Variants in MKRN2OS observed in about 807,000 individuals in gnomAD.
The protein encoded by MKRN2OS is MKRN2 opposite strand protein.
A neutral mutation model predicts 18.2 loss-of-function variants in MKRN2OS; 17 were observed. The ratio of observed to expected loss-of-function variants is 0.93; its 90% CI spans 0.64 to 1.40. MKRN2OS has a LOEUF of 1.40. Among genes scored for constraint, MKRN2OS ranks in the 40% most tolerant of loss-of-function variants. MKRN2OS has a pLI of 0.00. For missense variants in MKRN2OS, 337 were observed against 283.0 expected, an observed-to-expected ratio of 1.19 and a Z score of -1.37; for synonymous variants, 121 against 108.5, an observed-to-expected ratio of 1.12 and a Z score of -0.72.
upstream of MKRN2OS, among the ~76,000 whole-genome samples, chr3:12,548,472 A>AC (rs2057904193): frequency 1.6e-4 from 5 of 31,190 alleles, no homozygotes; most frequent in African/African-American, 4.5e-3. Flanking sequence ...AAAAAAAAAA[A>AC]AAAAAAAAAA....
intron 1 of MKRN2OS, among the ~76,000 whole-genome samples, chr3:12,543,442 C>A (rs2057843099): frequency 6.6e-6 from 1 of 151,112 alleles, no homozygotes; most frequent in African/African-American, 2.4e-5. Flanking sequence ...CAAAAATTAG[C>A]CAGGTGTGTT....
chr3:12,555,311 C>CAAAA lies in MKRN2OS; in HGVS notation n.265-1181_265-1178dup, dbSNP rs35617395. Among the ~76,000 whole-genome samples, 150 of 98,240 alleles carry CAAAA rather than the reference C, an allele frequency of 1.5e-3. 4 individuals are homozygous for CAAAA. The highest frequency in any genetic ancestry group is 3.4e-3 in the African/African-American group (91 of 26,816). The allele number at this position is 98,240 out of a possible 152,430, so 64.4% of individuals were successfully genotyped here. A position where few individuals can be genotyped will look rare whatever the true frequency, so the allele number is the denominator to read the frequency against. On this transcript the variant is annotated intron_variant and non_coding_transcript_variant, in intron 1 of 1. Transcript: ENST00000447550. Reference sequence around the variant, plus strand: ...TGGGTGACAGAGCAAGACTCCGTCTCAAAAAAAAAAAAAAAAAAGACGTGT... The same window carrying CAAAA: ...TGGGTGACAGAGCAAGACTCCGTCTCAAAAAAAAAAAAAAAAAAAAAAGACGTGT...
At chr3:12,552,970 C>T (rs2057940464), downstream of MKRN2OS, among the ~76,000 whole-genome samples, 1 of 143,746 alleles carries the variant, frequency 7.0e-6, no homozygotes, top group East Asian at 2.1e-4. Flanking sequence ...GAGCCAAGAT[C>T]ACACCACGGC....
At chr3:12,545,720 T>G (rs1376100138), upstream of MKRN2OS, among the ~76,000 whole-genome samples, 1 of 152,232 alleles carries the variant, frequency 6.6e-6, no homozygotes, top group Non-Finnish European at 1.5e-5. Flanking sequence ...ATTCATCCTT[T>G]AAAGCCTCAC....
intron 1 of MKRN2OS, among the ~76,000 whole-genome samples, chr3:12,556,423 G>A (rs2057971543): frequency 6.6e-6 from 1 of 152,152 alleles, no homozygotes; most frequent in African/African-American, 2.4e-5. Flanking sequence ...AAGGGACGGT[G>A]GAAAGGGGGC....
At chr3:12,551,617 A>G (rs776637336), downstream of MKRN2OS, among the ~76,000 whole-genome samples, 1 of 152,158 alleles carries the variant, frequency 6.6e-6, no homozygotes, top group Non-Finnish European at 1.5e-5. Context: ...GAAAATAAAC[A>G]TATTTCAATG....
At chr3:12,551,571 G>A (rs1273894242), downstream of MKRN2OS, among the ~76,000 whole-genome samples, 1 of 151,388 alleles carries the variant, frequency 6.6e-6, no homozygotes, top group Non-Finnish European at 1.5e-5. Flanking sequence ...ATACACGAAA[G>A]GATAAATAAA....
chr3:12,549,487 G>A (rs1010062267), upstream of MKRN2OS, among the ~76,000 whole-genome samples: 1 of 148,150 alleles, frequency 6.7e-6, no homozygotes, highest in Non-Finnish European at 1.5e-5. Flanking sequence ...AAGTGATCCA[G>A]CCACCTCAGC....
At chr3:12,557,032 T>C in intron 1 of MKRN2OS, 1 of 1,115,978 alleles carries the variant, frequency 9.0e-7, no homozygotes, top group Non-Finnish European at 1.1e-6. Flanking sequence ...AGGGGCGGCG[T>C]GCGCCGGCGT....
At chr3:12,542,132 TC>T in intron 2 of MKRN2OS, 110 bp from the exon 3 acceptor site, 1 of 1,135,088 alleles carries the variant, frequency 8.8e-7, no homozygotes, top group Non-Finnish European at 1.2e-6. Flanking sequence ...GTAACATAAA[TC>T]CAGGGTGGAG....
At chr3:12,548,875 C>T (rs1429462783), upstream of MKRN2OS, among the ~76,000 whole-genome samples, 5 of 152,096 alleles carry the variant, frequency 3.3e-5, no homozygotes, top group East Asian at 9.7e-4. Context: ...TAAAATAAAA[C>T]ATAGACACAG....
chr3:12,546,726 C>G (rs1216116919), upstream of MKRN2OS, among the ~76,000 whole-genome samples: 1 of 151,308 alleles, frequency 6.6e-6, no homozygotes, highest in African/African-American at 2.4e-5. Context: ...TACAGGTGCC[C>G]GCCACCACAC....
chr3:12,557,214 C>G, intron 1 of MKRN2OS: 1 of 1,529,714 alleles, frequency 6.5e-7, no homozygotes, highest in South Asian at 1.2e-5. Flanking sequence ...GGCCGCTCCC[C>G]CAGGCCGCAG....
rs1439826706 is a variant in MKRN2OS, at chr3:12,543,199, A to G, written c.249T>C (p.Val83=). Residue 83 remains valine, a synonymous_variant, in exon 2 of 4, where the codon GTT becomes GTC. Transcript: ENST00000564146. ...REYDGRSDLH[V]GITNTNGVVY... ...ACTTACCATTTGTGTTAGTTATTCC[A>G]ACATGAAGATCAGACCTTCCATCAT... The G allele has an allele frequency of 1.3e-6, 2 of 1,536,042 alleles. No individual in the cohort carries two copies. The highest frequency in any genetic ancestry group is 1.7e-4 in the Middle Eastern group (1 of 5,990).
At chr3:12,547,338 G>A (rs2057894153), upstream of MKRN2OS, among the ~76,000 whole-genome samples, 1 of 151,978 alleles carries the variant, frequency 6.6e-6, no homozygotes, top group Non-Finnish European at 1.5e-5. Flanking sequence ...GAGCCCAGGA[G>A]TTCAAGACCA....
intron 3 of MKRN2OS, among the ~76,000 whole-genome samples, chr3:12,541,118 T>C (rs990650821): frequency 2.0e-5 from 3 of 151,940 alleles, no homozygotes; most frequent in Non-Finnish European, 2.9e-5. Flanking sequence ...ATAATTTAAA[T>C]CCACAAACAT....
downstream of MKRN2OS, among the ~76,000 whole-genome samples, chr3:12,553,026 A>G (rs1471154695): frequency 6.6e-6 from 1 of 151,122 alleles, no homozygotes; most frequent in Non-Finnish European, 1.5e-5. Context: ...CAAAAAAAAA[A>G]AAAAAAAAAA....
At position 12,540,252 on chromosome 3, in the gene MKRN2OS, A is replaced by G; in HGVS notation, c.613T>C (p.Tyr205His). The part of the protein sequence containing the change: ...LYRAIREHGF[Y>H]VTDCPQQQAQ... ...TGCTGCTGGGGACAGTCAGTGACGTAGAAGCCATGCTCCCGTATCGCCCGG... is the reference window on the plus strand; with the variant it reads ...TGCTGCTGGGGACAGTCAGTGACGTGGAAGCCATGCTCCCGTATCGCCCGG... Residue 205 changes from tyrosine (Y) to histidine (H), a missense_variant, in exon 4 of 4, where the codon TAC becomes CAC. Tyr to His is a moderately conservative substitution (Grantham distance 83). Transcript: ENST00000564146. 6.5e-7 allele frequency: 1 copy of G among 1,536,152 alleles called. No individual in the cohort carries two copies. Among genetic ancestry groups the G allele is most frequent in the Non-Finnish European group, 8.7e-7 (1 of 1,146,908 alleles).
Position 12,540,355 on chromosome 3 carries a change from CTGT to C in MKRN2OS, c.507_509del (p.Gln171del). 2 of 1,536,134 alleles carry C rather than the reference CTGT, an allele frequency of 1.3e-6. No individual in the cohort carries two copies. The highest frequency in any genetic ancestry group is 1.7e-6 in the Non-Finnish European group (2 of 1,146,920). The stretch of plus-strand genomic sequence containing the variant: ...CCGTAAATTCACCCTTGTCCAGTTG[CTGT>C]CTACCTTCTGCCATCAGAACGCAGT... On this transcript the variant is annotated inframe_deletion, in exon 4 of 4. Transcript: ENST00000564146.
Sources: gnomAD v4.1 joint callset for allele counts (sites outside exome capture counted in the v4.1 genomes callset) on GRCh38, gnomAD v4.1.1 for gene constraint, MANE v1.5 for transcripts, NCBI Gene and HGNC (gene_info 2026-07-23, HGNC 2026-07-21) for gene names.